The following TAF4B variants were observed in gnomAD, a reference collection of about 807,000 sequenced individuals.
TAF4B encodes TATA-box binding protein associated factor 4b.
TAF4B carries 38 observed loss-of-function variants against 86.4 expected under a neutral mutation model. That is an observed-to-expected ratio of 0.44 (90% CI 0.34 to 0.58). TAF4B has a LOEUF of 0.58. Ranked by LOEUF, TAF4B falls within the 20% of genes least tolerant of loss-of-function variation. The pLI, the probability that TAF4B is intolerant of heterozygous loss-of-function variation, is 0.02. For missense variants in TAF4B, 988 were observed against 1,027.6 expected (o/e 0.96, Z 0.53); for synonymous variants, 388 against 391.2 (o/e 0.99, Z 0.10).
intron 5 of TAF4B, among the ~76,000 whole-genome samples, chr18:26,276,076 C>T (rs554342758): frequency 1.3e-5 from 2 of 151,342 alleles, no homozygotes; most frequent in South Asian, 4.2e-4. Context: ...GAAAGCCAGG[C>T]TATCAATAGA....
rs144738593 is a variant in TAF4B, at chr18:26,332,756, T to C, written c.2260-2419T>C. 3.5e-3 allele frequency among the ~76,000 whole-genome samples: 528 copies of C among 152,224 alleles called. 6 individuals carry two copies. The highest frequency in any genetic ancestry group is 0.012 in the African/African-American group (496 of 41,556). On this transcript the variant is annotated intron_variant, in intron 12 of 14. Coordinates refer to ENST00000269142, the MANE Select transcript of TAF4B (RefSeq NM_005640.3). ...TGTTGGCCAGGGTGGTCTCGAACTC[T>C]CCTGACCTTTGGTGATCCACCCACC...
intron 6 of TAF4B, 121 bp downstream of exon 6, chr18:26,282,181 C>G: frequency 1.3e-6 from 1 of 777,522 alleles, no homozygotes; most frequent in African/African-American, 1.8e-5. Flanking sequence ...GTGGGAGAAA[C>G]CTCTGAGTGC....
At chr18:26,292,169 G>T in intron 7 of TAF4B, 77 bp from the exon 8 acceptor site, 1 of 1,487,774 alleles carries the variant, frequency 6.7e-7, no homozygotes. Context: ...AACACAATCT[G>T]TTGTTTAAAA....
intron 13 of TAF4B, among the ~76,000 whole-genome samples, chr18:26,353,968 T>C (rs2057266197): frequency 6.6e-6 from 1 of 152,250 alleles, no homozygotes; most frequent in African/African-American, 2.4e-5. Context: ...TACATTTTTA[T>C]AGTTTTACAT....
At chr18:26,264,723 G>C (rs960648440) in intron 1 of TAF4B, among the ~76,000 whole-genome samples, 1 of 152,026 alleles carries the variant, frequency 6.6e-6, no homozygotes, top group Non-Finnish European at 1.5e-5. Context: ...TATCTTTTTC[G>C]TATAGATAGC....
intron 9 of TAF4B, among the ~76,000 whole-genome samples, chr18:26,300,307 T>TTTTTTATTA (rs1555679571): frequency 4.1e-4 from 60 of 145,382 alleles, no homozygotes; most frequent in Non-Finnish European, 8.3e-4. Flanking sequence ...AATGTAGGCA[T>TTTTTTATTA]TTATTATTAT....
intron 7 of TAF4B, 121 bp downstream of exon 7, chr18:26,286,620 A>ATT (rs34204451): frequency 5.9e-4 from 463 of 789,378 alleles, no homozygotes; most frequent in African/African-American, 1.9e-3. Context: ...TGACCAATTA[A>ATT]TTTTTTTTTT....
At chr18:26,386,877 GGT>G (rs1567934669) in intron 14 of TAF4B, among the ~76,000 whole-genome samples, 1 of 151,990 alleles carries the variant, frequency 6.6e-6, no homozygotes, top group Non-Finnish European at 1.5e-5. Context: ...CATATTTCTG[GGT>G]GTTTACATAG....
chr18:26,334,205 GT>G (rs1456024090), intron 12 of TAF4B, among the ~76,000 whole-genome samples: 9 of 151,972 alleles, frequency 5.9e-5, no homozygotes, highest in Non-Finnish European at 1.3e-4. Flanking sequence ...TATTTAAGAT[GT>G]TTGAAATTAG....
At chr18:26,339,835 T>C (rs2057122843) in intron 13 of TAF4B, among the ~76,000 whole-genome samples, 1 of 152,244 alleles carries the variant, frequency 6.6e-6, no homozygotes. Context: ...CATTCTGATT[T>C]GATAGTTATA....
At chr18:26,229,535 C>T (rs1201625501) in intron 1 of TAF4B, among the ~76,000 whole-genome samples, 3 of 139,128 alleles carry the variant, frequency 2.2e-5, no homozygotes, top group African/African-American at 8.0e-5. Context: ...CGGAGTGTCA[C>T]TCTGTTGCCC....
chr18:26,281,662 G>A (rs902022934), intron 5 of TAF4B, among the ~76,000 whole-genome samples: 2 of 152,006 alleles, frequency 1.3e-5, no homozygotes, highest in African/African-American at 2.4e-5. Context: ...TAAGACACGC[G>A]TGCCTTCAAT....
chr18:26,291,044 G>A (rs1179397913), intron 7 of TAF4B, among the ~76,000 whole-genome samples: 1 of 152,178 alleles, frequency 6.6e-6, no homozygotes, highest in East Asian at 1.9e-4. Flanking sequence ...TTCTCTAGGG[G>A]CATTAGTTGC....
rs142718237 is a variant in TAF4B at position 26,288,179 on chromosome 18, T to A, written c.1590+1680T>A. 4.0e-3 allele frequency among the ~76,000 whole-genome samples: 614 copies of A among 152,364 alleles called. 1 individual carries two copies. The highest frequency in any genetic ancestry group is 6.5e-3 in the Non-Finnish European group (445 of 68,036). ...TGTTTCTTGAATCAATGCTAATCTT[T>A]ATTGAGCATCTATAGCATATAGGTC... On this transcript the variant is annotated intron_variant, in intron 7 of 14. Coordinates refer to ENST00000269142, the MANE Select transcript of TAF4B (RefSeq NM_005640.3).
At chr18:26,369,936 A>C (rs2057395968) in intron 14 of TAF4B, among the ~76,000 whole-genome samples, 1 of 152,216 alleles carries the variant, frequency 6.6e-6, no homozygotes, top group African/African-American at 2.4e-5. Context: ...TGGTCTAATC[A>C]GATCTAACAG....
intron 1 of TAF4B, 58 bp downstream of exon 1, chr18:26,227,334 A>T (rs1364705160): frequency 1.3e-6 from 2 of 1,525,650 alleles, no homozygotes; most frequent in African/African-American, 2.8e-5. Flanking sequence ...CGACGGGAAA[A>T]TTCGCAGCTC....
At chr18:26,336,340 C>T (rs2057091196) in intron 13 of TAF4B, among the ~76,000 whole-genome samples, 1 of 152,080 alleles carries the variant, frequency 6.6e-6, no homozygotes, top group African/African-American at 2.4e-5. Flanking sequence ...TCCTAGGTGC[C>T]AGCAGCAGCA....
At chr18:26,230,520 T>C (rs1197590598) in intron 1 of TAF4B, among the ~76,000 whole-genome samples, 1 of 152,194 alleles carries the variant, frequency 6.6e-6, no homozygotes, top group East Asian at 1.9e-4. Context: ...ATCCACTGTT[T>C]GATTTTCAGA....
intron 9 of TAF4B, among the ~76,000 whole-genome samples, chr18:26,308,844 C>G (rs2056823800): frequency 7.0e-6 from 1 of 143,036 alleles, no homozygotes; most frequent in Non-Finnish European, 1.5e-5. Context: ...TTCACTCCAA[C>G]CTGGCAGCCT....
Sources: gnomAD v4.1 joint callset for allele counts (sites outside exome capture counted in the v4.1 genomes callset) on GRCh38, gnomAD v4.1.1 for gene constraint, MANE v1.5 for transcripts, NCBI Gene and HGNC (gene_info 2026-07-23, HGNC 2026-07-21) for gene names.